The following SRPK2 variants were observed in gnomAD, a reference collection of about 807,000 sequenced individuals.
SRPK2 encodes the protein SFRS protein kinase 2.
A neutral mutation model predicts 90.8 loss-of-function variants in SRPK2; 21 were observed. The ratio of observed to expected loss-of-function variants is 0.23; its 90% CI spans 0.16 to 0.33. The LOEUF is 0.33. SRPK2 is among the 10% of genes least tolerant of loss of function. The pLI is 1.00. For synonymous variants in SRPK2, 288 were observed against 311.1 expected (o/e 0.93, Z 0.78); for missense variants, 620 against 869.0 (o/e 0.71, Z 3.60).
chr7:105,295,952 T>C (rs1199369307), intron 2 of SRPK2, among the ~76,000 whole-genome samples: 6 of 152,226 alleles, frequency 3.9e-5, no homozygotes, highest in South Asian at 2.1e-4. Context: ...AATGAGTTCA[T>C]GGTTTCTTGA....
chr7:105,376,220 A>G (rs1820280756), intron 2 of SRPK2, among the ~76,000 whole-genome samples: 1 of 151,828 alleles, frequency 6.6e-6, no homozygotes, highest in African/African-American at 2.4e-5. Context: ...GATGGTCTCT[A>G]TCTCCTGACC....
In SRPK2 at chr7:105,396,784, A is replaced by G. The variant is rs959512379; in HGVS notation, n.153+2372T>C. On this transcript the variant is annotated intron_variant and non_coding_transcript_variant, in intron 1 of 3. Coordinates refer to the SRPK2 transcript ENST00000462282. Reference sequence around the variant, plus strand: ...AAAGAGAGAGAAAGAAAGAGAGAGAAAGAAAGAAAGAGAAAGAGAAAGAAA... The same window carrying G: ...AAAGAGAGAGAAAGAAAGAGAGAGAGAGAAAGAAAGAGAAAGAGAAAGAAA... Among the ~76,000 whole-genome samples the G allele has an allele frequency of 8.8e-3, 905 of 103,100 alleles. 4 individuals carry two copies. Among genetic ancestry groups the G allele is most frequent in the African/African-American group, 0.028 (613 of 22,092 alleles). 67.6% of individuals were successfully genotyped at this position (103,100 alleles called of 152,430 possible).
intron 2 of SRPK2, among the ~76,000 whole-genome samples, chr7:105,245,584 G>C (rs766077035): frequency 6.6e-6 from 1 of 152,198 alleles, no homozygotes; most frequent in African/African-American, 2.4e-5. Flanking sequence ...GCAGTACAGC[G>C]AGTTTTGACG....
In SRPK2 at chr7:105,319,315, T is replaced by C. The variant is rs547021111; in HGVS notation, c.71+69333A>G. ...ACTACCATAGGTTCGTTTCTAAGAA[T>C]AGAAGAGTTTAAGTATACAGCCCTC... On this transcript the variant is annotated intron_variant, in intron 2 of 15. Transcript: ENST00000393651. 4.6e-5 allele frequency among the ~76,000 whole-genome samples: 7 copies of C among 152,298 alleles called. No individual in the cohort carries two copies. The East Asian group carries it at 1.2e-3, about 25-fold the overall frequency.
chr7:105,223,886 T>C (rs1798395996), intron 2 of SRPK2, among the ~76,000 whole-genome samples: 1 of 152,236 alleles, frequency 6.6e-6, no homozygotes, highest in South Asian at 2.1e-4. Context: ...TGAACAGATC[T>C]GTATATGCCT....
At chr7:105,389,277 C>T (rs760602180), upstream of SRPK2, 7 of 1,275,760 alleles carry the variant, frequency 5.5e-6, no homozygotes, top group South Asian at 1.3e-5. Context: ...GCTCCATGCG[C>T]CCGTCCTTGG....
intron 6 of SRPK2, among the ~76,000 whole-genome samples, chr7:105,163,199 T>C (rs916819202): frequency 6.6e-6 from 1 of 152,216 alleles, no homozygotes; most frequent in Non-Finnish European, 1.5e-5. Context: ...AAACTCATAC[T>C]AGTTTGTTAA....
At chr7:105,222,128 T>C (rs1798167978) in intron 2 of SRPK2, among the ~76,000 whole-genome samples, 1 of 152,230 alleles carries the variant, frequency 6.6e-6, no homozygotes, top group Admixed American at 6.5e-5. Context: ...CATGCATCTT[T>C]GTCTATACCT....
intron 2 of SRPK2, among the ~76,000 whole-genome samples, chr7:105,329,823 A>T (rs1372007032): frequency 6.6e-6 from 1 of 151,982 alleles, no homozygotes; most frequent in Admixed American, 6.6e-5. Context: ...TGAGGCCAAG[A>T]GTTCGAGACC....
At position 105,203,716 on chromosome 7, in the gene SRPK2, A is replaced by G. The variant is rs1380771554; in HGVS notation, c.141T>C (p.Pro47=). The G allele has an allele frequency of 7.0e-7, 1 of 1,419,440 alleles. No individual in the cohort carries two copies. The highest frequency in any genetic ancestry group is 9.5e-7 in the Non-Finnish European group (1 of 1,047,166). 87.9% of individuals were successfully genotyped at this position (1,419,440 alleles called of 1,614,324 possible). A position where few individuals can be genotyped will look rare whatever the true frequency, so the allele number is the denominator to read the frequency against. The change falls in exon 3 of 16, where the codon CCT becomes CCC. Residue 47 remains proline, a synonymous_variant. Coordinates refer to ENST00000393651, the MANE Select transcript of SRPK2 (RefSeq NM_182692.3). ...GCTCCGGGGGTGTGGGGTCTGGCAA[A>G]GGTGGCGGTGGTGGTGGTGGTGGCG... ...PPPPPPPPPP[P]LPDPTPPEPE...
intron 2 of SRPK2, among the ~76,000 whole-genome samples, chr7:105,387,612 C>T (rs1480142991): frequency 6.6e-6 from 1 of 151,422 alleles, no homozygotes; most frequent in African/African-American, 2.4e-5. Flanking sequence ...CGTGCTGCGA[C>T]GTACCCCTCA....
chr7:105,251,694 A>T (rs980401051), intron 2 of SRPK2, among the ~76,000 whole-genome samples: 2 of 152,266 alleles, frequency 1.3e-5, no homozygotes, highest in African/African-American at 4.8e-5. Flanking sequence ...TGCTGGTCTC[A>T]GGAAAAAGAT....
intron 2 of SRPK2, among the ~76,000 whole-genome samples, chr7:105,244,031 T>A (rs1207894582): frequency 2.0e-5 from 3 of 152,114 alleles, no homozygotes; most frequent in African/African-American, 7.2e-5. Context: ...TGGGAACTTC[T>A]AGAAGGAAAG....
intron 2 of SRPK2, among the ~76,000 whole-genome samples, chr7:105,386,670 T>C (rs1043059643): frequency 2.0e-5 from 3 of 152,206 alleles, no homozygotes; most frequent in Admixed American, 6.5e-5. Flanking sequence ...TGAGCCAAGA[T>C]TGGGCCATTG....
chr7:105,177,225 T>A (rs574948086), intron 3 of SRPK2, among the ~76,000 whole-genome samples: 2 of 152,284 alleles, frequency 1.3e-5, no homozygotes, highest in South Asian at 2.1e-4. Flanking sequence ...TTGCTTTTTT[T>A]AAAAGCACTG....
chr7:105,368,599 G>A (rs1203540490), intron 2 of SRPK2, among the ~76,000 whole-genome samples: 1 of 151,978 alleles, frequency 6.6e-6, no homozygotes, highest in African/African-American at 2.4e-5. Flanking sequence ...CAAGAGCCAC[G>A]CTCTGCTGGC....
Position 105,325,785 on chromosome 7 carries a change from T to A in SRPK2, c.71+62863A>T, listed in dbSNP as rs115636865. On this transcript the variant is annotated intron_variant, in intron 2 of 15. Coordinates refer to ENST00000393651, the MANE Select transcript of SRPK2 (RefSeq NM_182692.3). ...AGGGGGATCACCTGAGCCCAGGAGG[T>A]CAAGGGTGCAGTGAGCCTAGATCGC... 2.8e-3 allele frequency among the ~76,000 whole-genome samples: 422 copies of A among 152,150 alleles called. 4 individuals are homozygous for A. Among genetic ancestry groups the A allele is most frequent in the African/African-American group, 9.9e-3 (410 of 41,504 alleles).
intron 2 of SRPK2, among the ~76,000 whole-genome samples, chr7:105,321,704 ATCAT>A (rs2131553256): frequency 6.6e-6 from 1 of 152,348 alleles, no homozygotes; most frequent in South Asian, 2.1e-4. Flanking sequence ...GATGCTCAAC[ATCAT>A]TCATAAGGAG....
At chr7:105,364,133 T>C (rs933881610) in intron 2 of SRPK2, among the ~76,000 whole-genome samples, 2 of 152,102 alleles carry the variant, frequency 1.3e-5, no homozygotes, top group African/African-American at 4.8e-5. Flanking sequence ...TGTATACATA[T>C]GTAACAAACC....
Sources: allele counts gnomAD v4.1 joint callset (sites outside exome capture counted in the v4.1 genomes callset), GRCh38; gene constraint gnomAD v4.1.1; transcripts MANE v1.5; gene names NCBI Gene and HGNC (gene_info 2026-07-23, HGNC 2026-07-21).